ADGRF1: variants seen among roughly 807,000 people sequenced by gnomAD.
ADGRF1 encodes the protein adhesion G protein-coupled receptor F1, also known as G protein-coupled receptor 110.
Under a neutral mutation model 87.2 loss-of-function variants are expected in ADGRF1, and 85 were observed. That is an observed-to-expected ratio of 0.97 (90% CI 0.82 to 1.17). ADGRF1 has a LOEUF of 1.17. ADGRF1 is among the 50% of genes most tolerant of loss of function. The pLI, the probability that ADGRF1 is intolerant of heterozygous loss-of-function variation, is 0.00. For missense variants in ADGRF1, 1,169 were observed against 1,077.2 expected (o/e 1.09, Z -1.19); for synonymous variants, 430 against 408.8 (o/e 1.05, Z -0.63).
At chr6:47,038,949 G>A (rs1780665559) in intron 1 of ADGRF1, among the ~76,000 whole-genome samples, 2 of 152,188 alleles carry the variant, frequency 1.3e-5, no homozygotes, top group Admixed American at 1.3e-4. Flanking sequence ...ACAAACACAA[G>A]TGTAAAAGGT....
At chr6:47,019,313 T>C (rs1779969672) in intron 7 of ADGRF1, 1 of 981,356 alleles carries the variant, frequency 1.0e-6, no homozygotes, top group African/African-American at 1.7e-5. Flanking sequence ...GGTATTGAAT[T>C]TTAAAGAAAA....
intron 12 of ADGRF1, among the ~76,000 whole-genome samples, chr6:47,006,959 A>G (rs969388596): frequency 4.6e-5 from 7 of 152,262 alleles, no homozygotes; most frequent in South Asian, 2.1e-4. Flanking sequence ...CAATTTTGCT[A>G]TGGAATTACT....
chr6:47,026,011 G>A lies in ADGRF1; in HGVS notation c.128-8C>T, dbSNP rs775831803. 3.9e-6 allele frequency: 6 copies of A among 1,558,076 alleles called. No homozygotes were observed. In the African/African-American group the frequency reaches 6.9e-5, roughly 18 times the overall value. On this transcript the variant is annotated splice_polypyrimidine_tract_variant and splice_region_variant and intron_variant, in intron 3 of 14. Coordinates refer to ENST00000371253, the MANE Select transcript of ADGRF1 (RefSeq NM_153840.4). ...GATATTCTTCGACTGGGCCTAAAGA[G>A]AGAAAGAGAGTCAGAAACCTTTTTT...
chr6:47,012,503 G>A (rs541181947), intron 9 of ADGRF1: 1 of 543,120 alleles, frequency 1.8e-6, no homozygotes, highest in African/African-American at 2.0e-5. Flanking sequence ...TCATTTTATA[G>A]CTAAGGAAAC....
In ADGRF1 at chr6:47,010,210, C is replaced by T; in HGVS notation, c.1225G>A (p.Glu409Lys). 1 of 1,614,036 alleles carries T rather than the reference C, an allele frequency of 6.2e-7. No individual in the cohort carries two copies. The highest frequency in any genetic ancestry group is 8.5e-7 in the Non-Finnish European group (1 of 1,179,994). The stretch of plus-strand genomic sequence containing the variant: ...GGAGGCACCAGAGTGCTGATGTTTT[C>T]TAATGTCTCTAGTAACCGTGAGCTG... ...YASSRLLETL[E>K]NISTLVPPTA... The change falls in exon 11 of 15, where the codon GAA becomes AAA. Residue 409 changes from glutamate to lysine, a missense_variant. By Grantham distance (56) the Glu-to-Lys change is moderately conservative. Transcript: ENST00000371253.
intron 7 of ADGRF1, chr6:47,018,548 G>A: frequency 4.7e-6 from 6 of 1,289,162 alleles, no homozygotes; most frequent in Non-Finnish European, 6.1e-6. Flanking sequence ...TTGATTTAGT[G>A]AAGTTAAACC....
chr6:47,014,205 C>A, intron 9 of ADGRF1: 1 of 968,516 alleles, frequency 1.0e-6, no homozygotes, highest in Non-Finnish European at 1.2e-6. Context: ...AAACCAGATG[C>A]CCCTTAAGGT....
intron 10 of ADGRF1, among the ~76,000 whole-genome samples, 195 bp downstream of exon 10, chr6:47,011,812 C>A (rs1419894855): frequency 6.6e-6 from 1 of 152,224 alleles, no homozygotes; most frequent in Non-Finnish European, 1.5e-5. Flanking sequence ...TGCATAAGAG[C>A]AGCTCTGTCT....
intron 5 of ADGRF1, 149 bp downstream of exon 5, chr6:47,023,895 G>A: frequency 1.5e-6 from 1 of 662,004 alleles, no homozygotes; most frequent in Non-Finnish European, 2.5e-6. Context: ...TTCTCACTGG[G>A]TCCAGACAGG....
rs1391795531 is a variant in ADGRF1, at chr6:47,008,996, G to A, written c.2439C>T (p.Asp813=). 14 of 1,611,984 alleles carry A rather than the reference G, an allele frequency of 8.7e-6. No homozygotes were observed. The highest frequency in any genetic ancestry group is 1.2e-5 in the Non-Finnish European group (14 of 1,178,476). ...TAACATGCCAAGCCAGATTCTGGCT[G>A]TCCACTATTGTTCCTATTCCAAAGC... The part of the protein sequence containing the change: ...TWGFGIGTIV[D]SQNLAWHVIF... The change falls in exon 11 of 15, where the codon GAC becomes GAT. Residue 813 remains aspartate (D), a synonymous_variant. Coordinates refer to ENST00000371253, the MANE Select transcript of ADGRF1 (RefSeq NM_153840.4).
chr6:47,000,521 C>A (rs1271485662), intron 14 of ADGRF1, among the ~76,000 whole-genome samples: 2 of 152,070 alleles, frequency 1.3e-5, no homozygotes, highest in African/African-American at 2.4e-5. Context: ...TCATGTTTTT[C>A]AAATATTGCT....
intron 1 of ADGRF1, among the ~76,000 whole-genome samples, chr6:47,038,235 AT>A (rs2113913128): frequency 6.6e-6 from 1 of 152,324 alleles, no homozygotes; most frequent in Non-Finnish European, 1.5e-5. Flanking sequence ...TCTTAAAATT[AT>A]TTTTAGTACA....
At position 47,029,069 on chromosome 6, in the gene ADGRF1, G is replaced by T. The variant is rs772687295; in HGVS notation, c.-8C>A. On this transcript the variant is annotated 5_prime_UTR_variant, in exon 2 of 15. Coordinates refer to ENST00000371253, the MANE Select transcript of ADGRF1 (RefSeq NM_153840.4). ...CAGCACTCCAACTTTCATTTTCCCTGGACTGAACAGCAGCAGTCGGGTGCA... is the reference window on the plus strand; with the variant it reads ...CAGCACTCCAACTTTCATTTTCCCTTGACTGAACAGCAGCAGTCGGGTGCA... The T allele has an allele frequency of 6.2e-7, 1 of 1,613,082 alleles. No homozygotes were observed.
rs1779733842 is a variant in ADGRF1 at position 47,012,345 on chromosome 6, T to C, written c.928-150A>G. On this transcript the variant is annotated intron_variant, in intron 9 of 14. Coordinates refer to ENST00000371253, the MANE Select transcript of ADGRF1 (RefSeq NM_153840.4). ...ATAACAATAGTAACAAAGGCTGTTA[T>C]TCAGTGATTTCTATATTTTAGACAT... 3.0e-6 allele frequency: 4 copies of C among 1,347,446 alleles called. No individual in the cohort carries two copies. In the South Asian group the frequency reaches 7.4e-5, roughly 25 times the overall value. The allele number at this position is 1,347,446 out of a possible 1,614,324, so 83.5% of individuals were successfully genotyped here.
intron 13 of ADGRF1, chr6:47,002,007 A>G (rs1424547764): frequency 5.8e-6 from 1 of 171,158 alleles, no homozygotes; most frequent in African/African-American, 2.4e-5. Context: ...CTTTTGAATG[A>G]CGCTTTGGTC....
chr6:47,020,052 T>G (rs1779998081), intron 7 of ADGRF1: 1 of 996,412 alleles, frequency 1.0e-6, no homozygotes, highest in Non-Finnish European at 1.2e-6. Context: ...AAATCCACCC[T>G]TCGACAACCC....
At chr6:47,026,626 A>G (rs1490139364) in intron 3 of ADGRF1, among the ~76,000 whole-genome samples, 1 of 152,098 alleles carries the variant, frequency 6.6e-6, no homozygotes, top group Non-Finnish European at 1.5e-5. Context: ...TTTGACAGGG[A>G]AAGGAGAGGA....
intron 6 of ADGRF1, among the ~76,000 whole-genome samples, chr6:47,021,054 TTAGAA>T (rs900631825): frequency 1.3e-5 from 2 of 152,204 alleles, no homozygotes; most frequent in Non-Finnish European, 2.9e-5. Flanking sequence ...AACCAACTGC[TTAGAA>T]TAGGAGATGA....
At position 47,016,598 on chromosome 6, in the gene ADGRF1, G is replaced by A. The variant is rs1394460025; in HGVS notation, c.763+19C>T. The A allele has an allele frequency of 6.3e-7, 1 of 1,581,290 alleles. No individual in the cohort carries two copies. Among genetic ancestry groups the A allele is most frequent in the Non-Finnish European group, 8.6e-7 (1 of 1,157,106 alleles). On this transcript the variant is annotated intron_variant, in intron 8 of 14. Transcript: ENST00000371253. ...AAGGACTCTCTTAACCTAAGCAGAG[G>A]ATGGGAATCCAGCATTACCTTTTCC...
Sources: gnomAD v4.1 joint callset for allele counts (sites outside exome capture counted in the v4.1 genomes callset) on GRCh38, gnomAD v4.1.1 for gene constraint, MANE v1.5 for transcripts, NCBI Gene and HGNC (gene_info 2026-07-23, HGNC 2026-07-21) for gene names.